AIG1: variants seen among roughly 807,000 people sequenced by gnomAD.
AIG1 encodes the protein androgen-induced gene 1 protein.
AIG1 carries 23 observed loss-of-function variants against 31.4 expected under a neutral mutation model. That is an observed-to-expected ratio of 0.73 (90% CI 0.53 to 1.04). The LOEUF (loss-of-function observed/expected upper bound fraction) is 1.04, where lower values mean the gene tolerates loss of function less well. Ranked by LOEUF, AIG1 falls within the 50% of genes least tolerant of loss-of-function variation. The pLI, the probability that AIG1 is intolerant of heterozygous loss-of-function variation, is 0.00. For missense variants in AIG1, 274 were observed against 295.0 expected (o/e 0.93, Z 0.52); for synonymous variants, 100 against 110.5 (o/e 0.90, Z 0.60).
chr6:143,283,356 G>A (rs1270413512), intron 3 of AIG1, among the ~76,000 whole-genome samples: 2 of 152,228 alleles, frequency 1.3e-5, no homozygotes, highest in East Asian at 3.9e-4. Flanking sequence ...GGTCCAAACT[G>A]GCACACCATT....
At chr6:143,170,151 C>A (rs1241277978) in intron 3 of AIG1, among the ~76,000 whole-genome samples, 33 of 152,048 alleles carry the variant, frequency 2.2e-4, no homozygotes, top group Non-Finnish European at 2.9e-5. Flanking sequence ...GGAATATTTT[C>A]AGAAGTATTT....
chr6:143,200,477 C>T (rs1274338117), intron 3 of AIG1, among the ~76,000 whole-genome samples: 2 of 152,064 alleles, frequency 1.3e-5, no homozygotes, highest in African/African-American at 4.8e-5. Flanking sequence ...TTTATTTCTC[C>T]TTTCTCCCTC....
chr6:143,203,574 T>C (rs780765911), intron 3 of AIG1, among the ~76,000 whole-genome samples: 7 of 152,164 alleles, frequency 4.6e-5, no homozygotes, highest in Non-Finnish European at 7.3e-5. Flanking sequence ...CTGTGCCCTC[T>C]AAACTGGGGA....
rs1777656262 is a variant in AIG1, at chr6:143,338,255, A to G, written c.680-1384A>G. ...TGTTTTCTTCTTTCCGTGGTTACCC[A>G]ACAACGAAGGCGTGTTGTACCTTCT... On this transcript the variant is annotated intron_variant, in intron 5 of 5. Coordinates refer to ENST00000357847, the MANE Select transcript of AIG1 (RefSeq NM_016108.4). The surrounding 1 kb of genome is among the most constrained non-coding windows in gnomAD (Gnocchi z 4.3). The G allele has an allele frequency of 8.0e-6, 3 of 377,282 alleles. No individual in the cohort carries two copies. In the East Asian group the frequency reaches 1.1e-4, roughly 14 times the overall value. The allele number at this position is 377,282 out of a possible 1,614,324, so 23.4% of individuals were successfully genotyped here.
At chr6:143,089,193 A>G (rs547316895) in intron 1 of AIG1, among the ~76,000 whole-genome samples, 1 of 149,408 alleles carries the variant, frequency 6.7e-6, no homozygotes, top group African/African-American at 2.6e-5. Context: ...TGGGCAACAG[A>G]GTGAGACTAT....
intron 2 of AIG1, among the ~76,000 whole-genome samples, chr6:143,160,042 A>T (rs186340197): frequency 3.3e-5 from 5 of 152,326 alleles, no homozygotes; most frequent in Admixed American, 6.5e-5. Context: ...GTACTGACTT[A>T]TCAGAATATA....
At chr6:143,232,542 A>G (rs1793515914) in intron 3 of AIG1, among the ~76,000 whole-genome samples, 1 of 152,202 alleles carries the variant, frequency 6.6e-6, no homozygotes, top group African/African-American at 2.4e-5. Context: ...CTTCTTTGCC[A>G]AGATGCTTCT....
At chr6:143,101,811 G>A (rs1780305676) in intron 1 of AIG1, among the ~76,000 whole-genome samples, 1 of 152,024 alleles carries the variant, frequency 6.6e-6, no homozygotes, top group Admixed American at 6.6e-5. Flanking sequence ...ATGGAAATAA[G>A]AAATTAATAA....
intron 1 of AIG1, among the ~76,000 whole-genome samples, chr6:143,115,137 T>G (rs944453370): frequency 6.6e-6 from 1 of 152,236 alleles, no homozygotes; most frequent in Admixed American, 6.5e-5. Flanking sequence ...AATTTCCAGA[T>G]TGGCAATAAC....
At chr6:143,135,403 T>G (rs1039322263) in intron 1 of AIG1, among the ~76,000 whole-genome samples, 1 of 152,148 alleles carries the variant, frequency 6.6e-6, no homozygotes, top group Non-Finnish European at 1.5e-5. Flanking sequence ...TTTTTCTAAG[T>G]ATGAAATTAT....
rs1261328565 is a variant in AIG1, at chr6:143,339,711, G to A, written c.*35G>A. The A allele has an allele frequency of 1.9e-6, 3 of 1,607,626 alleles. No individual in the cohort carries two copies. The highest frequency in any genetic ancestry group is 1.3e-5 in the African/African-American group (1 of 74,602). The stretch of plus-strand genomic sequence containing the variant: ...CTAAACGCAAGAGCTAGATTGAGCC[G>A]CCATTGAAGACTCCTTCCCCTCGGG... On this transcript the variant is annotated 3_prime_UTR_variant, in exon 6 of 6. Coordinates refer to ENST00000357847, the MANE Select transcript of AIG1 (RefSeq NM_016108.4).
intron 4 of AIG1, among the ~76,000 whole-genome samples, chr6:143,305,163 C>G (rs1167834697): frequency 6.6e-6 from 1 of 151,922 alleles, no homozygotes; most frequent in Non-Finnish European, 1.5e-5. Flanking sequence ...TTTGTTGATC[C>G]TTTCAAAAAA....
intron 3 of AIG1, among the ~76,000 whole-genome samples, chr6:143,237,781 T>C (rs1793922120): frequency 6.6e-6 from 1 of 152,116 alleles, no homozygotes; most frequent in African/African-American, 2.4e-5. Flanking sequence ...ATGAAGTATA[T>C]CAGCCAGGAA....
intron 2 of AIG1, among the ~76,000 whole-genome samples, chr6:143,151,698 A>AATAT (rs1785246938): frequency 6.6e-6 from 1 of 152,218 alleles, no homozygotes; most frequent in Non-Finnish European, 1.5e-5. Context: ...TTATAGACTA[A>AATAT]AGATTAAATC....
At chr6:143,115,139 G>A (rs1456785134) in intron 1 of AIG1, among the ~76,000 whole-genome samples, 2 of 152,094 alleles carry the variant, frequency 1.3e-5, no homozygotes, top group Admixed American at 6.5e-5. Flanking sequence ...TTTCCAGATT[G>A]GCAATAACAT....
chr6:143,152,150 C>G (rs1785297439), intron 2 of AIG1, among the ~76,000 whole-genome samples: 2 of 152,104 alleles, frequency 1.3e-5, no homozygotes, highest in African/African-American at 4.8e-5. Context: ...CCCAAGGCAT[C>G]AAATAGAGGC....
At chr6:143,188,461 T>G (rs1789479037) in intron 3 of AIG1, 1 of 985,410 alleles carries the variant, frequency 1.0e-6, no homozygotes, top group African/African-American at 1.7e-5. Context: ...AAGTCAGGGT[T>G]AGAGTGGCAC....
intron 4 of AIG1, among the ~76,000 whole-genome samples, chr6:143,320,503 G>A (rs1253332889): frequency 1.3e-5 from 2 of 152,206 alleles, no homozygotes; most frequent in African/African-American, 4.8e-5. Context: ...TATAGACATA[G>A]AATGGAATGT....
intron 1 of AIG1, 36 bp downstream of exon 1, chr6:143,061,102 C>G (rs1776203068): frequency 6.2e-7 from 1 of 1,605,918 alleles, no homozygotes; most frequent in African/African-American, 1.3e-5. Flanking sequence ...GCCCCGCACC[C>G]CGTGCCTGTG....
Sources: allele counts gnomAD v4.1 joint callset (sites outside exome capture counted in the v4.1 genomes callset), GRCh38; gene constraint gnomAD v4.1.1; non-coding constraint Gnocchi (gnomAD v3.1); transcripts MANE v1.5; gene names NCBI Gene and HGNC (gene_info 2026-07-23, HGNC 2026-07-21).